MEI4: variants seen among roughly 807,000 people sequenced by gnomAD.
The protein encoded by MEI4 is meiosis-specific protein MEI4.
Under a neutral mutation model 31.4 loss-of-function variants are expected in MEI4, and 27 were observed. The observed-to-expected ratio is 0.86, with a 90% CI of 0.63 to 1.19. The LOEUF is 1.19. Among genes scored for constraint, MEI4 ranks in the 50% most tolerant of loss-of-function variants. The pLI, the probability that MEI4 is intolerant of heterozygous loss-of-function variation, is 0.00. For synonymous variants in MEI4, 122 were observed against 145.4 expected, an observed-to-expected ratio of 0.84 and a Z score of 1.16; for missense variants, 329 against 398.9, an observed-to-expected ratio of 0.82 and a Z score of 1.49.
chr6:77,914,184 A>G (rs2127739942), intron 4 of MEI4, among the ~76,000 whole-genome samples: 1 of 151,484 alleles, frequency 6.6e-6, no homozygotes, highest in African/African-American at 2.4e-5. Context: ...ATTGAGCTAT[A>G]TCATTAGATT....
intron 4 of MEI4, among the ~76,000 whole-genome samples, chr6:77,906,643 G>A (rs1766302660): frequency 1.3e-5 from 2 of 152,258 alleles, no homozygotes; most frequent in African/African-American, 2.4e-5. Context: ...ATCCGTGGTG[G>A]CACTGGAGTC....
intron 3 of MEI4, among the ~76,000 whole-genome samples, chr6:77,808,545 T>C (rs1769496704): frequency 2.6e-5 from 4 of 152,240 alleles, no homozygotes; most frequent in South Asian, 4.1e-4. Context: ...CTAGGATTGG[T>C]CCTGGGTTAG....
rs553503226 is a variant in MEI4, at chr6:77,800,304, C to A, written c.769-28627C>A. ...TGATTCGGCTCTCTGTTTGTCTGTT[C>A]TTGGTGTATAAGAATGCTTGTGATT... On this transcript the variant is annotated intron_variant, in intron 3 of 4. Transcript: ENST00000684080. 1.4e-3 allele frequency among the ~76,000 whole-genome samples: 214 copies of A among 151,874 alleles called. 1 individual carries two copies. The highest frequency in any genetic ancestry group is 4.5e-3 in the African/African-American group (186 of 41,404).
chr6:77,818,523 C>T (rs1769741766), intron 3 of MEI4, among the ~76,000 whole-genome samples: 1 of 152,072 alleles, frequency 6.6e-6, no homozygotes, highest in African/African-American at 2.4e-5. Flanking sequence ...TTTTCCTGGT[C>T]TTTGTAAATA....
Position 77,724,956 on chromosome 6 carries a change from G to GA in MEI4, c.232+34056dup, listed in dbSNP as rs550202158. On this transcript the variant is annotated intron_variant, in intron 2 of 4. Transcript: ENST00000684080. ...ACCGCTTCCAGGGGCATCAGAAACT[G>GA]AAATACTATCTTCTTCTGTTTGAAA... 1.2e-3 allele frequency among the ~76,000 whole-genome samples: 169 copies of GA among 144,076 alleles called. 14 individuals carry two copies. The highest frequency in any genetic ancestry group is 2.7e-3 in the African/African-American group (106 of 38,728). 94.5% of individuals were successfully genotyped at this position (144,076 alleles called of 152,430 possible).
intron 2 of MEI4, among the ~76,000 whole-genome samples, chr6:77,702,733 A>C (rs886555887): frequency 2.6e-5 from 4 of 152,182 alleles, no homozygotes; most frequent in Admixed American, 1.3e-4. Context: ...CTTTTCCAGA[A>C]TTTGGTGCTT....
chr6:77,916,611 G>C (rs967268348), intron 4 of MEI4, among the ~76,000 whole-genome samples: 12 of 151,862 alleles, frequency 7.9e-5, no homozygotes, highest in African/African-American at 2.9e-4. Context: ...CCAAATCTTT[G>C]TTGTCAACAA....
At chr6:77,810,603 AT>A (rs985950499) in intron 3 of MEI4, among the ~76,000 whole-genome samples, 1 of 152,196 alleles carries the variant, frequency 6.6e-6, no homozygotes, top group Non-Finnish European at 1.5e-5. Context: ...CTAGGCTGTC[AT>A]TTTTATAACA....
At chr6:77,917,833 G>GA in intron 4 of MEI4, among the ~76,000 whole-genome samples, 1 of 149,470 alleles carries the variant, frequency 6.7e-6, no homozygotes, top group African/African-American at 2.5e-5. Flanking sequence ...TGGACATGAA[G>GA]TCGTTGCCCA....
At chr6:77,790,839 A>G (rs1482112418) in intron 3 of MEI4, among the ~76,000 whole-genome samples, 2 of 152,180 alleles carry the variant, frequency 1.3e-5, no homozygotes, top group African/African-American at 4.8e-5. Flanking sequence ...TTACAAGAAA[A>G]AAACAAACAA....
intron 2 of MEI4, among the ~76,000 whole-genome samples, chr6:77,697,784 C>T (rs547120370): frequency 5.6e-4 from 85 of 152,164 alleles, no homozygotes; most frequent in African/African-American, 1.4e-3. Context: ...CTATTAGGTC[C>T]GCTTGATACA....
chr6:77,808,633 G>GT (rs1411980418), intron 3 of MEI4, among the ~76,000 whole-genome samples: 1 of 152,190 alleles, frequency 6.6e-6, no homozygotes, highest in Non-Finnish European at 1.5e-5. Flanking sequence ...AGAGGAGGTT[G>GT]TTTCAGAGAG....
intron 4 of MEI4, among the ~76,000 whole-genome samples, chr6:77,881,312 C>G (rs190605716): frequency 3.7e-4 from 56 of 152,148 alleles, no homozygotes; most frequent in South Asian, 6.2e-4. Flanking sequence ...TCTTCAACTA[C>G]AGAACCCTTT....
rs139988896 is a variant in MEI4, at chr6:77,766,050, A to C, written c.768+4385A>C. On this transcript the variant is annotated intron_variant, in intron 3 of 4. Transcript: ENST00000684080. ...AGCAGCAGCTCTTATTAACACCATG[A>C]CATTCCTGAAACACCTCCATATATA... is the stretch of plus-strand genomic sequence containing the variant. Among the ~76,000 whole-genome samples, 213 of 152,212 alleles carry C rather than the reference A, an allele frequency of 1.4e-3. 1 individual carries two copies. Among genetic ancestry groups the C allele is most frequent in the African/African-American group, 4.5e-3 (187 of 41,476 alleles).
chr6:77,914,118 GT>G (rs1023308589), intron 4 of MEI4, among the ~76,000 whole-genome samples: 32 of 144,960 alleles, frequency 2.2e-4, no homozygotes, highest in South Asian at 8.8e-4. Context: ...ATCTTTATTA[GT>G]TTTTTTTTTC....
rs77406440 is a variant in MEI4, at chr6:77,758,262, T to C, written c.233-2868T>C. 8.7e-3 allele frequency among the ~76,000 whole-genome samples: 1,317 copies of C among 152,196 alleles called. 10 individuals are homozygous for C. Among genetic ancestry groups the C allele is most frequent in the Non-Finnish European group, 0.015 (996 of 67,992 alleles). Reference sequence around the variant, plus strand: ...ACTACTTTTTGAACTTTCTGCATTATCATTGTCTCCTTTTAATTATCTCCT... The same window carrying C: ...ACTACTTTTTGAACTTTCTGCATTACCATTGTCTCCTTTTAATTATCTCCT... On this transcript the variant is annotated intron_variant, in intron 2 of 4. Coordinates refer to ENST00000684080, the MANE Select transcript of MEI4 (RefSeq NM_001322247.2).
chr6:77,818,733 T>G (rs1179665385), intron 3 of MEI4, among the ~76,000 whole-genome samples: 1 of 152,180 alleles, frequency 6.6e-6, no homozygotes, highest in East Asian at 1.9e-4. Flanking sequence ...TTTAGGTATT[T>G]TGTTTTTAAT....
intron 1 of MEI4, among the ~76,000 whole-genome samples, chr6:77,683,292 A>G (rs1768991554): frequency 6.6e-6 from 1 of 152,212 alleles, no homozygotes; most frequent in Non-Finnish European, 1.5e-5. Context: ...ATCAACAAAT[A>G]AAAATTTTAT....
chr6:77,869,341 T>A (rs1771139691), intron 4 of MEI4, among the ~76,000 whole-genome samples: 1 of 152,128 alleles, frequency 6.6e-6, no homozygotes, highest in Non-Finnish European at 1.5e-5. Flanking sequence ...TAATCCCCAA[T>A]ACTATAGAAT....
Sources: gnomAD v4.1 joint callset for allele counts (sites outside exome capture counted in the v4.1 genomes callset) on GRCh38, gnomAD v4.1.1 for gene constraint, MANE v1.5 for transcripts, NCBI Gene and HGNC (gene_info 2026-07-23, HGNC 2026-07-21) for gene names.